DRICH1: variants seen among roughly 807,000 people sequenced by gnomAD.
DRICH1 encodes the protein aspartate-rich protein 1.
DRICH1 carries 38 observed loss-of-function variants against 39.5 expected under a neutral mutation model. The observed-to-expected ratio is 0.96, with a 90% confidence interval of 0.74 to 1.26. DRICH1 has a LOEUF of 1.26. Ranked by LOEUF, DRICH1 falls within the 50% of genes most tolerant of loss-of-function variation. The probability of loss-of-function intolerance (pLI) is 0.00; values close to 1 mark genes in which losing one functional copy is unlikely to be tolerated. For synonymous variants in DRICH1, 84 were observed against 99.5 expected, an observed-to-expected ratio of 0.84 and a Z score of 0.93; for missense variants, 279 against 270.4, an observed-to-expected ratio of 1.03 and a Z score of -0.22.
intron 1 of DRICH1, among the ~76,000 whole-genome samples, chr22:23,627,068 AT>A (rs141545226): frequency 0.091 from 11,583 of 127,088 alleles, 1,291 homozygotes; most frequent in African/African-American, 0.31. Context: ...TGAGGTTCTG[AT>A]TTTTTTTTTT....
intron 8 of DRICH1, 47 bp from the exon 9 acceptor site, chr22:23,614,261 C>A: frequency 7.2e-7 from 1 of 1,383,686 alleles, no homozygotes; most frequent in South Asian, 1.2e-5. Context: ...GTTGGTGACT[C>A]TGAGTCACTC....
At chr22:23,585,412 C>T in the DRICH1 span, among the ~76,000 whole-genome samples, 1 of 152,228 alleles carries the variant, frequency 6.6e-6, no homozygotes, top group Non-Finnish European at 1.5e-5. Context: ...GCTGGGATTA[C>T]AGGCATGAGC....
intron 3 of DRICH1, chr22:23,623,851 C>T (rs1291570306): frequency 1.4e-6 from 1 of 710,446 alleles, no homozygotes; most frequent in African/African-American, 2.0e-5. Flanking sequence ...CATACAGAGT[C>T]AGCTGATCTT....
chr22:23,589,564 G>A, the DRICH1 span, among the ~76,000 whole-genome samples: 3 of 151,888 alleles, frequency 2.0e-5, no homozygotes, highest in African/African-American at 7.3e-5. Flanking sequence ...AAATTTAAAA[G>A]TAGGTCACTT....
intron 5 of DRICH1, 22 bp from the exon 6 acceptor site, chr22:23,619,415 A>C: frequency 1.3e-6 from 1 of 780,006 alleles, no homozygotes; most frequent in Non-Finnish European, 2.4e-6. Context: ...TGGAAAAGTT[A>C]ATCTAAGACT....
At chr22:23,594,168 A>G in the DRICH1 span, among the ~76,000 whole-genome samples, 1 of 152,326 alleles carries the variant, frequency 6.6e-6, no homozygotes, top group African/African-American at 2.4e-5. Flanking sequence ...AAATCAAAGC[A>G]GCTCAATGAA....
In DRICH1 at chr22:23,626,028, T is replaced by C; in HGVS notation, c.229A>G (p.Ser77Gly). ...MPTGPPEDRL[S>G]LKFLPSSEED... ...TCACTTGATGGCAGAAATTTTAAAC[T>C]CAGGCGGTCCTCAGGGGGACCTAAA... Residue 77 changes from serine (S) to glycine (G), a missense_variant, in exon 2 of 12, where the codon AGT becomes GGT. Physicochemically the swap from Ser to Gly is moderately conservative, Grantham distance 56. Transcript: ENST00000317749. 5 of 1,613,278 alleles carry C rather than the reference T, an allele frequency of 3.1e-6. No individual in the cohort carries two copies. Among genetic ancestry groups the C allele is most frequent in the Non-Finnish European group, 4.2e-6 (5 of 1,179,626 alleles).
chr22:23,623,451 A>C lies in DRICH1; in HGVS notation c.299-1275T>G, dbSNP rs571244912. ...AAAATAGAAATCACAAATTTATATC[A>C]GTCTTGTTAAATCTAACTAATCAGC... is the stretch of plus-strand genomic sequence containing the variant. On this transcript the variant is annotated intron_variant, in intron 3 of 11. Transcript: ENST00000317749. 8.7e-4 allele frequency among the ~76,000 whole-genome samples: 132 copies of C among 152,288 alleles called. 4 individuals are homozygous for C. In the South Asian group the frequency reaches 0.027, roughly 31 times the overall value.
chr22:23,581,336 G>T, the DRICH1 span: 2 of 152,248 alleles, frequency 1.3e-5, no homozygotes, highest in Non-Finnish European at 2.9e-5. Context: ...CTGTGCTTTG[G>T]TGTTGAGGGA....
chr22:23,628,554 A>C (rs966746997), intron 1 of DRICH1, among the ~76,000 whole-genome samples: 3 of 152,194 alleles, frequency 2.0e-5, no homozygotes, highest in African/African-American at 7.2e-5. Flanking sequence ...TGGGCAACAG[A>C]GTGAGACTCC....
intron 4 of DRICH1, among the ~76,000 whole-genome samples, chr22:23,621,326 CT>C (rs1457787828): frequency 6.6e-6 from 1 of 151,968 alleles, no homozygotes; most frequent in Non-Finnish European, 1.5e-5. Flanking sequence ...GCCTGCCCAG[CT>C]ACTTAGGTCA....
At chr22:23,606,306 A>C (rs2123751560), downstream of DRICH1, among the ~76,000 whole-genome samples, 1 of 151,938 alleles carries the variant, frequency 6.6e-6, no homozygotes, top group East Asian at 1.9e-4. Context: ...CCAGGCTTCC[A>C]GCTCCAGCTG....
the DRICH1 span, among the ~76,000 whole-genome samples, chr22:23,594,463 G>A: frequency 3.9e-5 from 6 of 152,198 alleles, no homozygotes; most frequent in South Asian, 4.1e-4. Context: ...CCAGCTACTC[G>A]GGAGGCTGAG....
the DRICH1 span, among the ~76,000 whole-genome samples, chr22:23,595,194 A>G: frequency 0.16 from 21,975 of 139,328 alleles, 1,447 homozygotes; most frequent in African/African-American, 0.24. Flanking sequence ...TAGTTTAATG[A>G]GATTGGTTTT....
At chr22:23,617,688 C>T (rs897337204) in intron 6 of DRICH1, 31 bp from the exon 7 acceptor site, 4 of 1,609,160 alleles carry the variant, frequency 2.5e-6, no homozygotes, top group Non-Finnish European at 3.4e-6. Flanking sequence ...GATCCGTGCC[C>T]TGGTTGTTTG....
chr22:23,628,214 C>A (rs558104331), intron 1 of DRICH1, among the ~76,000 whole-genome samples: 1 of 152,344 alleles, frequency 6.6e-6, no homozygotes, highest in South Asian at 2.1e-4. Context: ...CTCCCCACCT[C>A]CCCTGCTACT....
the DRICH1 span, among the ~76,000 whole-genome samples, chr22:23,590,635 G>A: frequency 2.6e-5 from 4 of 151,362 alleles, no homozygotes; most frequent in Non-Finnish European, 4.4e-5. Flanking sequence ...GTCTCGTTCT[G>A]TCACCCAGGC....
At chr22:23,613,596 C>A in intron 10 of DRICH1, 43 bp downstream of exon 10, 2 of 1,532,634 alleles carry the variant, frequency 1.3e-6, no homozygotes, top group Non-Finnish European at 1.8e-6. Flanking sequence ...CTGAAGCTAG[C>A]AAGTTTTTTC....
intron 11 of DRICH1, among the ~76,000 whole-genome samples, chr22:23,610,104 A>G (rs912242031): frequency 1.3e-5 from 2 of 151,468 alleles, no homozygotes; most frequent in Non-Finnish European, 2.9e-5. Context: ...CCAGCACCAC[A>G]CCACCAGATT....
Sources: allele counts gnomAD v4.1 joint callset (sites outside exome capture counted in the v4.1 genomes callset), GRCh38; gene constraint gnomAD v4.1.1; transcripts MANE v1.5; gene names NCBI Gene and HGNC (gene_info 2026-07-23, HGNC 2026-07-21).